FHOD3: variants seen among roughly 807,000 people sequenced by gnomAD.
FHOD3 encodes formin homology 2 domain containing 3.
FHOD3 carries 90 observed loss-of-function variants against 173.0 expected under a neutral mutation model. The observed-to-expected ratio is 0.52, with a 90% confidence interval of 0.44 to 0.62. The LOEUF (loss-of-function observed/expected upper bound fraction) is 0.62. Among genes scored for constraint, FHOD3 ranks in the 20% least tolerant of loss-of-function variants. FHOD3 has a pLI of 0.00. For synonymous variants in FHOD3, 828 were observed against 823.0 expected, an observed-to-expected ratio of 1.01 and a Z score of -0.10; for missense variants, 1,945 against 2,034.7, an observed-to-expected ratio of 0.96 and a Z score of 0.85.
intron 18 of FHOD3, chr18:36,709,632 C>T (rs555757665): frequency 3.0e-5 from 15 of 503,386 alleles, no homozygotes; most frequent in African/African-American, 1.9e-4. Context: ...CATTCATCAC[C>T]TCCACACCTG....
intron 3 of FHOD3, among the ~76,000 whole-genome samples, chr18:36,381,542 C>A (rs2047787674): frequency 6.6e-6 from 1 of 152,188 alleles, no homozygotes; most frequent in Non-Finnish European, 1.5e-5. Flanking sequence ...CAGGCAGAGG[C>A]TGCGAGTCCC....
At chr18:36,390,795 C>T (rs899880368) in intron 3 of FHOD3, among the ~76,000 whole-genome samples, 8 of 152,150 alleles carry the variant, frequency 5.3e-5, no homozygotes, top group African/African-American at 1.9e-4. Context: ...GAGTGATTCT[C>T]CACTCCCTTG....
At chr18:36,763,310 A>T (rs1179824881) in intron 27 of FHOD3, among the ~76,000 whole-genome samples, 1 of 139,080 alleles carries the variant, frequency 7.2e-6, no homozygotes, top group Non-Finnish European at 1.6e-5. Flanking sequence ...CACGTTATAT[A>T]CAATATGCGT....
At chr18:36,687,885 A>C (rs1320753437) in intron 16 of FHOD3, among the ~76,000 whole-genome samples, 1 of 152,210 alleles carries the variant, frequency 6.6e-6, no homozygotes, top group South Asian at 2.1e-4. Context: ...GCATGAATAC[A>C]TTTTTAAATT....
intron 16 of FHOD3, among the ~76,000 whole-genome samples, chr18:36,692,049 C>A (rs149017785): frequency 3.5e-4 from 54 of 152,312 alleles, no homozygotes; most frequent in South Asian, 3.5e-3. Flanking sequence ...GTCAAGGCAG[C>A]CTTCCTGGAG....
intron 1 of FHOD3, among the ~76,000 whole-genome samples, chr18:36,331,048 C>A (rs560923021): frequency 1.3e-5 from 2 of 152,104 alleles, no homozygotes; most frequent in Non-Finnish European, 2.9e-5. Context: ...TGCTTCTGGG[C>A]GCAAATCTCT....
chr18:36,740,652 C>T lies in FHOD3; in HGVS notation c.3577-4C>T. ...AAATATACTATATCATCTCCTATTT[C>T]CAGAAAATTCTAACGATGATTCCCA... On this transcript the variant is annotated splice_region_variant and splice_polypyrimidine_tract_variant and intron_variant, in intron 20 of 28. Transcript: ENST00000590592. 2 of 1,611,652 alleles carry T rather than the reference C, an allele frequency of 1.2e-6. No individual in the cohort carries two copies. Among genetic ancestry groups the T allele is most frequent in the Non-Finnish European group, 1.7e-6 (2 of 1,178,956 alleles).
intron 3 of FHOD3, among the ~76,000 whole-genome samples, chr18:36,425,350 C>G (rs375015809): frequency 2.0e-5 from 3 of 152,036 alleles, no homozygotes; most frequent in South Asian, 2.1e-4. Context: ...AAAGAGGGAC[C>G]GCTATATTAT....
chr18:36,730,829 A>C lies in FHOD3; in HGVS notation c.3576+25A>C, dbSNP rs139137370. 27 of 1,609,466 alleles carry C rather than the reference A, an allele frequency of 1.7e-5. No individual in the cohort carries two copies. In the East Asian group the frequency reaches 5.8e-4, roughly 35 times the overall value. ...GGTGAGGGAAGCTCTATTAAGCATT[A>C]TTTGTATTTTATCTTATACTGCATG... is the stretch of plus-strand genomic sequence containing the variant. On this transcript the variant is annotated intron_variant, in intron 20 of 28. Transcript: ENST00000590592.
intron 25 of FHOD3, among the ~76,000 whole-genome samples, chr18:36,756,717 A>G (rs934947275): frequency 2.6e-5 from 4 of 152,160 alleles, no homozygotes; most frequent in African/African-American, 9.7e-5. Flanking sequence ...TTCTCTTACC[A>G]TCCACCTTTG....
intron 3 of FHOD3, among the ~76,000 whole-genome samples, chr18:36,438,950 C>T (rs745785748): frequency 8.5e-5 from 13 of 152,228 alleles, no homozygotes; most frequent in Non-Finnish European, 1.9e-4. Flanking sequence ...GTCTACCTCG[C>T]ACCCAAAGTT....
At chr18:36,502,770 C>T (rs571066449) in intron 4 of FHOD3, among the ~76,000 whole-genome samples, 3 of 152,208 alleles carry the variant, frequency 2.0e-5, no homozygotes, top group African/African-American at 7.2e-5. Flanking sequence ...TCCCAAACAA[C>T]CTCTTTCCAC....
intron 1 of FHOD3, among the ~76,000 whole-genome samples, chr18:36,315,387 C>T (rs8086132): frequency 6.6e-6 from 1 of 151,906 alleles, no homozygotes; most frequent in Non-Finnish European, 1.5e-5. Flanking sequence ...CTCTGGATCC[C>T]AGATTTGCTC....
chr18:36,365,707 T>TA (rs2046866992), intron 2 of FHOD3, among the ~76,000 whole-genome samples: 1 of 151,992 alleles, frequency 6.6e-6, no homozygotes, highest in South Asian at 2.1e-4. Context: ...ACAAAAAACG[T>TA]GTAAGGGAAT....
Position 36,574,977 on chromosome 18 carries a change from T to A in FHOD3, c.512-1474T>A, listed in dbSNP as rs921241781. On this transcript the variant is annotated intron_variant, in intron 5 of 28. Transcript: ENST00000590592. Reference sequence around the variant, plus strand: ...TTTCTTTTTCTTTTTTCTCTTTTTTTTTTTCTTTGTTCAGACAGAGTTTTG... The same window carrying A: ...TTTCTTTTTCTTTTTTCTCTTTTTTATTTTCTTTGTTCAGACAGAGTTTTG... Among the ~76,000 whole-genome samples the A allele has an allele frequency of 2.0e-5, 3 of 152,042 alleles. 1 individual carries two copies. Among genetic ancestry groups the A allele is most frequent in the African/African-American group, 4.8e-5 (2 of 41,428 alleles).
chr18:36,380,992 G>A (rs1416749608), intron 3 of FHOD3, among the ~76,000 whole-genome samples: 2 of 152,160 alleles, frequency 1.3e-5, no homozygotes, highest in Non-Finnish European at 2.9e-5. Flanking sequence ...TGGGACTAGG[G>A]CTGGAGTCTT....
intron 1 of FHOD3, among the ~76,000 whole-genome samples, chr18:36,313,887 C>CTT (rs112546518): frequency 4.9e-5 from 7 of 143,824 alleles, no homozygotes; most frequent in African/African-American, 7.6e-5. Context: ...AATAATTTGT[C>CTT]TTTTTTTTTT....
At chr18:36,617,583 C>CTGTGTGTGTGTGTG (rs763613681) in intron 9 of FHOD3, among the ~76,000 whole-genome samples, 117 of 116,332 alleles carry the variant, frequency 1.0e-3, no homozygotes, top group African/African-American at 3.2e-3. Flanking sequence ...TTGTACTTCC[C>CTGTGTGTGTGTGTG]TGTGTGTGTG....
At chr18:36,421,001 G>A (rs532734108) in intron 3 of FHOD3, among the ~76,000 whole-genome samples, 2 of 152,302 alleles carry the variant, frequency 1.3e-5, no homozygotes, top group East Asian at 3.9e-4. Context: ...AAATGGTGAG[G>A]TTAAATTTGG....
Sources: allele counts gnomAD v4.1 joint callset (sites outside exome capture counted in the v4.1 genomes callset), GRCh38; gene constraint gnomAD v4.1.1; transcripts MANE v1.5; gene names NCBI Gene and HGNC (gene_info 2026-07-23, HGNC 2026-07-21).